LAMA5: variants seen among roughly 807,000 people sequenced by gnomAD.
LAMA5 encodes laminin subunit alpha-5.
Under a neutral mutation model 433.4 loss-of-function variants are expected in LAMA5, and 260 were observed. The observed-to-expected ratio is 0.60, with a 90% CI of 0.54 to 0.66. The LOEUF (loss-of-function observed/expected upper bound fraction) is 0.66. LAMA5 is among the 30% of genes least tolerant of loss of function. The pLI, the probability that LAMA5 is intolerant of heterozygous loss-of-function variation, is 0.00. For missense variants in LAMA5, 5,378 were observed against 5,258.5 expected, an observed-to-expected ratio of 1.02 and a Z score of -0.70; for synonymous variants, 2,620 against 2,226.6, an observed-to-expected ratio of 1.18 and a Z score of -4.97.
Position 62,327,849 on chromosome 20 carries a change from G to A in LAMA5, c.4797+17C>T, listed in dbSNP as rs766909754. The stretch of plus-strand genomic sequence containing the variant: ...GGCCGGAGGGAGAGGCCAGATCTGG[G>A]CCCAGCCCTCACTCACCTTACAGTA... On this transcript the variant is annotated intron_variant, in intron 36 of 79. Transcript: ENST00000252999. 5 of 1,598,220 alleles carry A rather than the reference G, an allele frequency of 3.1e-6. No homozygotes were observed. The South Asian group carries it at 5.6e-5, about 18-fold the overall frequency.
rs764079235 is a variant in LAMA5, at chr20:62,337,868, G to A, written c.1962C>T (p.Pro654=). ...CCTGGCAGGCAGTGCCTGTGTAGCCGGGGCGGCAGCGGCACAAACCTCCCG... is the reference window on the plus strand; with the variant it reads ...CCTGGCAGGCAGTGCCTGTGTAGCCAGGGCGGCAGCGGCACAAACCTCCCG... ...CGAGGLCRCR[P]GYTGTACQEC... is the part of the protein sequence containing the mutation. The change falls in exon 15 of 80, where the codon CCC becomes CCT. Residue 654 remains proline (P), a synonymous_variant. Transcript: ENST00000252999. 8.1e-5 allele frequency: 130 copies of A among 1,612,454 alleles called. No individual in the cohort carries two copies. Among genetic ancestry groups the A allele is most frequent in the Middle Eastern group, 1.6e-4 (1 of 6,084 alleles).
Position 62,315,057 on chromosome 20 carries a change from CCCAGGT to C in LAMA5, c.8012_8017del (p.Asp2671_Leu2672del), listed in dbSNP as rs1465946974. On this transcript the variant is annotated inframe_deletion, in exon 59 of 80. Coordinates refer to ENST00000252999, the MANE Select transcript of LAMA5 (RefSeq NM_005560.6). ...GTGGCCTGCGTCAAGCACTGCCTGGCCCAGGTCCTGGCCCCGCAGGCCCTCGTACTG... is the reference window on the plus strand; with the variant it reads ...GTGGCCTGCGTCAAGCACTGCCTGGCCCTGGCCCCGCAGGCCCTCGTACTG... 6.3e-7 allele frequency: 1 copy of C among 1,599,034 alleles called. No individual in the cohort carries two copies. The highest frequency in any genetic ancestry group is 1.3e-5 in the African/African-American group (1 of 74,898).
chr20:62,321,755 T>G (rs200041028), intron 48 of LAMA5, among the ~76,000 whole-genome samples: 45 of 4,570 alleles, frequency 9.8e-3, no homozygotes, highest in East Asian at 0.02. Flanking sequence ...AGTGGAGGGG[T>G]GGGGTCAGTG....
chr20:62,313,831 G>T (rs1280186381), intron 62 of LAMA5, 29 bp from the exon 63 acceptor site: 1 of 1,607,678 alleles, frequency 6.2e-7, no homozygotes, highest in Non-Finnish European at 8.5e-7. Context: ...GGTGGCGAGT[G>T]GGCACGGAGA....
Position 62,312,695 on chromosome 20 carries a change from T to C in LAMA5, c.9164A>G (p.Asn3055Ser), listed in dbSNP as rs770824211. Residue 3055 changes from asparagine to serine, a missense_variant, in exon 67 of 80, where the codon AAT becomes AGT. By Grantham distance (46) the Asn-to-Ser change is conservative. Transcript: ENST00000252999. ...RATVYSVEQD[N>S]DLELADAYYL... ...GTAGGCGTCGGCCAGCTCCAGATCA[T>C]TGTCCTGCTCCACGCTGTACACCGT... The C allele has an allele frequency of 9.3e-6, 15 of 1,607,040 alleles. No individual in the cohort carries two copies. The highest frequency in any genetic ancestry group is 3.3e-5 in the South Asian group (3 of 90,238).
Position 62,330,893 on chromosome 20 carries a change from G to A in LAMA5, c.3702C>T (p.Leu1234=). 2.6e-6 allele frequency: 4 copies of A among 1,546,102 alleles called. No individual in the cohort carries two copies. Among genetic ancestry groups the A allele is most frequent in the Middle Eastern group, 1.7e-4 (1 of 5,970 alleles). The change falls in exon 30 of 80, where the codon CTC becomes CTT. Residue 1234 remains leucine, a synonymous_variant. Coordinates refer to ENST00000252999, the MANE Select transcript of LAMA5 (RefSeq NM_005560.6). ...RFPKPPQPII[L]RDCQVIPLPP... is the part of the protein sequence containing the mutation. ...GCAGCGGGATCACCTGGCAGTCCCT[G>A]AGGATGATGGGCTGGGGCGGCTTTG...
chr20:62,333,747 G>A (rs1331668602), intron 23 of LAMA5, 41 bp from the exon 24 acceptor site: 2 of 1,513,306 alleles, frequency 1.3e-6, no homozygotes, highest in African/African-American at 2.7e-5. Context: ...CCCAGCCCTT[G>A]GGGCCACCCC....
intron 11 of LAMA5, among the ~76,000 whole-genome samples, chr20:62,340,142 G>A (rs1485552884): frequency 6.6e-6 from 1 of 151,962 alleles, no homozygotes; most frequent in Non-Finnish European, 1.5e-5. Context: ...CTGGAGGTGA[G>A]GGAAGCTAAA....
Position 62,338,527 on chromosome 20 carries a change from T to G in LAMA5, c.1559A>C (p.Asn520Thr). The G allele has an allele frequency of 6.2e-7, 1 of 1,610,644 alleles. No individual in the cohort carries two copies. The highest frequency in any genetic ancestry group is 8.5e-7 in the Non-Finnish European group (1 of 1,179,276). The change falls in exon 12 of 80, where the codon AAC (asparagine) becomes ACC (threonine). Residue 520 changes from asparagine to threonine, a missense_variant. Physicochemically the swap from Asn to Thr is moderately conservative, Grantham distance 65. Coordinates refer to ENST00000252999, the MANE Select transcript of LAMA5 (RefSeq NM_005560.6). ...PRVGRCLCKP[N>T]FQGTHCELCA... Reference sequence around the variant, plus strand: ...GAGCTCACAATGGGTGCCTTGGAAGTTGGGTTTGCACAGACAGCGTCCCAC... The same window carrying G: ...GAGCTCACAATGGGTGCCTTGGAAGGTGGGTTTGCACAGACAGCGTCCCAC...
chr20:62,360,634 ATGGGTGGG>A (rs199598588), intron 2 of LAMA5, among the ~76,000 whole-genome samples: 4 of 5,292 alleles, frequency 7.6e-4, no homozygotes, highest in Admixed American at 2.6e-3. Context: ...GGAGGGATAG[ATGGGTGGG>A]TGGGTGGGTG....
intron 43 of LAMA5, 73 bp from the exon 44 acceptor site, chr20:62,323,929 G>A: frequency 2.7e-6 from 4 of 1,480,886 alleles, no homozygotes; most frequent in Non-Finnish European, 3.6e-6. Context: ...CTGTGCTCCG[G>A]CTGGAACACA....
At chr20:62,337,405 G>A (rs537067116) in intron 16 of LAMA5, among the ~76,000 whole-genome samples, 185 bp downstream of exon 16, 6 of 152,316 alleles carry the variant, frequency 3.9e-5, no homozygotes, top group African/African-American at 7.2e-5. Context: ...ACGCAGACAC[G>A]GGCAGTACGC....
chr20:62,346,339 T>TG lies in LAMA5; in HGVS notation c.1283-125dup. The TG allele has an allele frequency of 5.0e-6, 7 of 1,409,942 alleles. No homozygotes were observed. In the South Asian group the frequency reaches 9.5e-5, roughly 19 times the overall value. 87.3% of individuals were successfully genotyped at this position (1,409,942 alleles called of 1,614,324 possible). A position where few individuals can be genotyped will look rare whatever the true frequency, so the allele number is the denominator to read the frequency against. ...GGATGAGGGCTACAGCCAGGCCCCC[T>TG]GGGGGGACATGAGGGCTGGGGACCC... On this transcript the variant is annotated intron_variant, in intron 9 of 79. Transcript: ENST00000252999.
At position 62,321,637 on chromosome 20, in the gene LAMA5, G is replaced by A. The variant is rs190656925; in HGVS notation, c.6496+382C>T. Among the ~76,000 whole-genome samples the A allele has an allele frequency of 8.8e-4, 100 of 113,198 alleles. 4 individuals are homozygous for A. Among genetic ancestry groups the A allele is most frequent in the African/African-American group, 3.6e-3 (94 of 26,348 alleles). 74.3% of individuals were successfully genotyped at this position (113,198 alleles called of 152,430 possible). On this transcript the variant is annotated intron_variant, in intron 48 of 79. Coordinates refer to ENST00000252999, the MANE Select transcript of LAMA5 (RefSeq NM_005560.6). ...AAGGGGTGGGGCCAGCGGAGGAGGT[G>A]CAGCCAGTGGAAGAGGTGGGGCCAA...
chr20:62,334,328 T>C lies in LAMA5; in HGVS notation c.2597A>G (p.His866Arg). 1 of 1,605,232 alleles carries C rather than the reference T, an allele frequency of 6.2e-7. No individual in the cohort carries two copies. Among genetic ancestry groups the C allele is most frequent in the South Asian group, 1.1e-5 (1 of 89,778 alleles). Residue 866 changes from histidine (H) to arginine (R), a missense_variant, in exon 22 of 80, where the codon CAC (histidine) becomes CGC (arginine). Physicochemically the swap from His to Arg is conservative, Grantham distance 29. Transcript: ENST00000252999. Reference protein sequence around the residue: ...GPTCSEPARDHYLPDLHHLRL... With the variant: ...GPTCSEPARDRYLPDLHHLRL... ...CAGGTGGTGCAGGTCCGGGAGGTAG[T>C]GGTCCCTCGCAGGCCTGGCCACAGC...
At chr20:62,360,666 G>A (rs1986024640) in intron 2 of LAMA5, among the ~76,000 whole-genome samples, 1 of 144,010 alleles carries the variant, frequency 6.9e-6, no homozygotes, top group African/African-American at 2.7e-5. Flanking sequence ...GGATAGATGG[G>A]TGGGTGGGTG....
rs757474736 is a variant in LAMA5, at chr20:62,329,892, G to A, written c.4004C>T (p.Pro1335Leu). 3.1e-6 allele frequency: 5 copies of A among 1,612,176 alleles called. No individual in the cohort carries two copies. Among genetic ancestry groups the A allele is most frequent in the South Asian group, 2.2e-5 (2 of 91,024 alleles). ...WQGHANASFC[P>L]HGYGCRTLVV... ...CAGGGTGCGGCAGCCGTAGCCATGT[G>A]GACAGAAGCTGGCGTTGGCGTGGCC... The change falls in exon 32 of 80, where the codon CCA (proline) becomes CTA (leucine). Residue 1335 changes from proline (P) to leucine (L), a missense_variant. Transcript: ENST00000252999.
In LAMA5 at chr20:62,329,230, C is replaced by A. The variant is rs750357487; in HGVS notation, c.4143G>T (p.Glu1381Asp). ...GGAGGTAGCCAAAGCTGTAGACGTT[C>A]TCAGGGACCACGAGTACATAATCCT... ...LWLDYVLVVPENVYSFGYLRE... is the reference protein window; with the variant it reads ...LWLDYVLVVPDNVYSFGYLRE... The change falls in exon 33 of 80, where the codon GAG (glutamate) becomes GAT (aspartate). Residue 1381 changes from glutamate (E) to aspartate (D), a missense_variant. Physicochemically the swap from Glu to Asp is conservative, Grantham distance 45 (BLOSUM62 2). Coordinates refer to ENST00000252999, the MANE Select transcript of LAMA5 (RefSeq NM_005560.6). 2.5e-6 allele frequency: 4 copies of A among 1,612,594 alleles called. No individual in the cohort carries two copies. The highest frequency in any genetic ancestry group is 3.4e-6 in the Non-Finnish European group (4 of 1,179,716).
chr20:62,317,785 G>C lies in LAMA5; in HGVS notation c.7240-7C>G. ...ACAGCTCCTGCTTCCTTTGCTGAAG[G>C]CAATGCAGGGGAGTTGGGGACAATG... On this transcript the variant is annotated splice_polypyrimidine_tract_variant and splice_region_variant and intron_variant, in intron 53 of 79. Coordinates refer to ENST00000252999, the MANE Select transcript of LAMA5 (RefSeq NM_005560.6). The C allele has an allele frequency of 6.3e-7, 1 of 1,575,142 alleles. No individual in the cohort carries two copies.
Sources: gnomAD v4.1 joint callset for allele counts (sites outside exome capture counted in the v4.1 genomes callset) on GRCh38, gnomAD v4.1.1 for gene constraint, MANE v1.5 for transcripts, NCBI Gene and HGNC (gene_info 2026-07-23, HGNC 2026-07-21) for gene names.